MGAT4A: variants seen among roughly 807,000 people sequenced by gnomAD.
The protein encoded by MGAT4A is alpha-1,3-mannosyl-glycoprotein 4-beta-N-acetylglucosaminyltransferase A, also known as N-acetylglucosaminyltransferase IVa.
In MGAT4A, 33 loss-of-function variants were observed where a neutral mutation model predicts 74.1. The ratio of observed to expected loss-of-function variants is 0.45; its 90% CI spans 0.34 to 0.60. The LOEUF is 0.60. Among genes scored for constraint, MGAT4A ranks in the 20% least tolerant of loss-of-function variants. MGAT4A has a pLI of 0.02. For missense variants in MGAT4A, 479 were observed against 628.3 expected (o/e 0.76, Z 2.54); for synonymous variants, 198 against 210.4 (o/e 0.94, Z 0.51).
At chr2:98,702,629 T>C (rs1271213298) in intron 2 of MGAT4A, among the ~76,000 whole-genome samples, 1 of 152,180 alleles carries the variant, frequency 6.6e-6, no homozygotes, top group African/African-American at 2.4e-5. Flanking sequence ...GCAAACAGCT[T>C]GCAGTACCGT....
chr2:98,641,499 CAAAAAAAAAAAAA>C (rs1205460540), intron 10 of MGAT4A, among the ~76,000 whole-genome samples: 1 of 75,280 alleles, frequency 1.3e-5, no homozygotes, highest in African/African-American at 5.0e-5. Context: ...ACTAAAAATA[CAAAAAAAAAAAAA>C]AAAAAAAAAA....
chr2:98,625,300 T>G lies in MGAT4A; in HGVS notation c.*266A>C. 8.5e-7 allele frequency: 1 copy of G among 1,175,592 alleles called. No individual in the cohort carries two copies. The highest frequency in any genetic ancestry group is 1.1e-6 in the Non-Finnish European group (1 of 928,606). 72.8% of individuals were successfully genotyped at this position (1,175,592 alleles called of 1,614,324 possible). The stretch of plus-strand genomic sequence containing the variant: ...AACAATATGTACAACTCTTATGTAT[T>G]AGTATAATACCAAAATAGTACAAGT... On this transcript the variant is annotated 3_prime_UTR_variant, in exon 16 of 16. Coordinates refer to ENST00000393487, the MANE Select transcript of MGAT4A (RefSeq NM_012214.3).
At chr2:98,671,051 C>A (rs548062466) in intron 4 of MGAT4A, among the ~76,000 whole-genome samples, 1 of 152,292 alleles carries the variant, frequency 6.6e-6, no homozygotes, top group African/African-American at 2.4e-5. Flanking sequence ...CACTGAATGG[C>A]CCACCATGCA....
intron 13 of MGAT4A, among the ~76,000 whole-genome samples, chr2:98,635,559 T>C (rs892278545): frequency 2.0e-5 from 3 of 152,214 alleles, no homozygotes; most frequent in Non-Finnish European, 4.4e-5. Flanking sequence ...ATTAAAACTA[T>C]AGAAGAACTG....
At chr2:98,673,417 C>T (rs1192721047) in intron 4 of MGAT4A, among the ~76,000 whole-genome samples, 1 of 152,094 alleles carries the variant, frequency 6.6e-6, no homozygotes, top group Admixed American at 6.6e-5. Context: ...AGATTGACAG[C>T]TTTCCTAGAA....
chr2:98,621,307 C>T lies in MGAT4A; in HGVS notation c.*4259G>A, dbSNP rs992127255. 17 of 1,408,260 alleles carry T rather than the reference C, an allele frequency of 1.2e-5. No individual in the cohort carries two copies. The highest frequency in any genetic ancestry group is 5.4e-5 in the Admixed American group (2 of 37,250). The allele number at this position is 1,408,260 out of a possible 1,614,324, so 87.2% of individuals were successfully genotyped here. ...ATGCCTTTCCAAGCCTATGAATGAG[C>T]TTATGGGCTGAATTCAGTTCCCGTG... On this transcript the variant is annotated 3_prime_UTR_variant, in exon 16 of 16. Transcript: ENST00000393487.
chr2:98,625,179 TA>T lies in MGAT4A; in HGVS notation c.*386del. ...TATATATATAATCCCTGATAATCTATAAAAGAGGGTCTATAATAGTAAAATA... is the reference window on the plus strand; with the variant it reads ...TATATATATAATCCCTGATAATCTATAAAGAGGGTCTATAATAGTAAAATA... On this transcript the variant is annotated 3_prime_UTR_variant, in exon 16 of 16. Coordinates refer to ENST00000393487, the MANE Select transcript of MGAT4A (RefSeq NM_012214.3). The T allele has an allele frequency of 1.2e-6, 1 of 817,468 alleles. No individual in the cohort carries two copies. The highest frequency in any genetic ancestry group is 1.5e-6 in the Non-Finnish European group (1 of 677,020). 50.6% of individuals were successfully genotyped at this position (817,468 alleles called of 1,614,324 possible). A position where few individuals can be genotyped will look rare whatever the true frequency, so the allele number is the denominator to read the frequency against.
chr2:98,675,949 T>TTG (rs1484949564), intron 3 of MGAT4A, among the ~76,000 whole-genome samples: 1 of 152,200 alleles, frequency 6.6e-6, no homozygotes, highest in African/African-American at 2.4e-5. Flanking sequence ...ACAGCACAAG[T>TTG]TGAGAATATC....
intron 4 of MGAT4A, among the ~76,000 whole-genome samples, chr2:98,668,666 A>T (rs146654516): frequency 2.6e-5 from 4 of 152,144 alleles, no homozygotes; most frequent in Non-Finnish European, 5.9e-5. Flanking sequence ...TGATAGATCC[A>T]CTCATGGCTT....
At position 98,621,423 on chromosome 2, in the gene MGAT4A, C is replaced by T. The variant is rs532479917; in HGVS notation, c.*4143G>A. On this transcript the variant is annotated 3_prime_UTR_variant, in exon 16 of 16. Coordinates refer to ENST00000393487, the MANE Select transcript of MGAT4A (RefSeq NM_012214.3). ...ATGTGCATTCCTTCTCATGCAGCCC[C>T]CTCTACCTTAAAACAGCAATGGTGC... is the stretch of plus-strand genomic sequence containing the variant. 1.8e-5 allele frequency: 28 copies of T among 1,551,508 alleles called. No homozygotes were observed. Among genetic ancestry groups the T allele is most frequent in the African/African-American group, 4.1e-5 (3 of 73,142 alleles).
At chr2:98,721,918 T>G (rs990107133) in intron 2 of MGAT4A, among the ~76,000 whole-genome samples, 1 of 152,218 alleles carries the variant, frequency 6.6e-6, no homozygotes, top group Admixed American at 6.5e-5. Flanking sequence ...GCATTAAGTA[T>G]GTATGCATAT....
In MGAT4A at chr2:98,621,434, A is replaced by C; in HGVS notation, c.*4132T>G. 1.9e-6 allele frequency: 3 copies of C among 1,551,572 alleles called. No individual in the cohort carries two copies. Among genetic ancestry groups the C allele is most frequent in the South Asian group, 2.4e-5 (2 of 84,042 alleles). The stretch of plus-strand genomic sequence containing the variant: ...TTCTCATGCAGCCCCCTCTACCTTA[A>C]AACAGCAATGGTGCCTGAGGTCCTT... On this transcript the variant is annotated 3_prime_UTR_variant, in exon 16 of 16. Coordinates refer to ENST00000393487, the MANE Select transcript of MGAT4A (RefSeq NM_012214.3).
chr2:98,627,507 C>G (rs1701163407), intron 14 of MGAT4A, among the ~76,000 whole-genome samples: 1 of 152,114 alleles, frequency 6.6e-6, no homozygotes. Context: ...TCCCGAGCAG[C>G]TGGGATTACA....
chr2:98,702,190 C>G (rs1702362939), intron 2 of MGAT4A, among the ~76,000 whole-genome samples: 1 of 152,236 alleles, frequency 6.6e-6, no homozygotes, highest in Non-Finnish European at 1.5e-5. Flanking sequence ...CTGCCCTGCC[C>G]TCAGCTCTGT....
intron 2 of MGAT4A, among the ~76,000 whole-genome samples, chr2:98,687,008 T>C (rs1702139720): frequency 6.6e-6 from 1 of 152,184 alleles, no homozygotes; most frequent in African/African-American, 2.4e-5. Flanking sequence ...ATATTAACAA[T>C]GATTGTATTC....
chr2:98,633,700 T>C (rs1701276449), intron 14 of MGAT4A, among the ~76,000 whole-genome samples: 1 of 152,218 alleles, frequency 6.6e-6, no homozygotes. Flanking sequence ...TATGAGTTGA[T>C]ATTTTAGATG....
chr2:98,640,000 T>G lies in MGAT4A; in HGVS notation c.1130A>C (p.Asp377Ala). Residue 377 changes from aspartate to alanine, a missense_variant and splice_region_variant, in exon 12 of 16, where the codon GAT (aspartate) becomes GCT (alanine). By Grantham distance (126) the Asp-to-Ala change is moderately radical. Around this residue, in one of 3 missense-constraint regions of MGAT4A, gnomAD observed 236 missense variants for 308.2 expected, o/e 0.77. Transcript: ENST00000393487. ...SLSGKIQKLT[D>A]KDYMKPLLLK... ...AAGTAATGGTTTCATATAATCTTTA[T>G]CCTGGGAGCAAAGACATATATGCTA... 1 of 1,609,096 alleles carries G rather than the reference T, an allele frequency of 6.2e-7. No homozygotes were observed.
At chr2:98,685,000 G>A (rs1702109110) in intron 2 of MGAT4A, among the ~76,000 whole-genome samples, 1 of 152,184 alleles carries the variant, frequency 6.6e-6, no homozygotes. Flanking sequence ...GCTCTGGGAG[G>A]CCAGGGCAGG....
intron 2 of MGAT4A, among the ~76,000 whole-genome samples, chr2:98,723,567 A>T (rs985368287): frequency 3.9e-5 from 6 of 152,138 alleles, no homozygotes; most frequent in African/African-American, 1.4e-4. Context: ...TTGAATCCAT[A>T]CAAGAACCTT....
Sources: allele counts gnomAD v4.1 joint callset (sites outside exome capture counted in the v4.1 genomes callset), GRCh38; gene constraint gnomAD v4.1.1; regional missense constraint gnomAD v4.1.1; transcripts MANE v1.5; gene names NCBI Gene and HGNC (gene_info 2026-07-23, HGNC 2026-07-21).